Variants in ANKRD13C observed in about 807,000 individuals in gnomAD.
The protein encoded by ANKRD13C is ankyrin repeat domain 13C.
Under a neutral mutation model 65.5 loss-of-function variants are expected in ANKRD13C, and 16 were observed. That is an observed-to-expected ratio of 0.24 (90% CI 0.17 to 0.37). The LOEUF (loss-of-function observed/expected upper bound fraction) is 0.37, where lower values mean the gene tolerates loss of function less well. Ranked by LOEUF, ANKRD13C falls within the 10% of genes least tolerant of loss-of-function variation. The pLI is 1.00. For missense variants in ANKRD13C, 503 were observed against 655.9 expected, an observed-to-expected ratio of 0.77 and a Z score of 2.55; for synonymous variants, 235 against 238.7, an observed-to-expected ratio of 0.98 and a Z score of 0.14.
chr1:70,313,986 G>C (rs956702051), intron 4 of ANKRD13C, among the ~76,000 whole-genome samples, 196 bp from the exon 5 acceptor site: 3 of 151,460 alleles, frequency 2.0e-5, no homozygotes, highest in African/African-American at 7.3e-5. Flanking sequence ...ATTTAAATTT[G>C]TATCAATAAA....
chr1:70,267,712 C>T (rs962571847), intron 12 of ANKRD13C, among the ~76,000 whole-genome samples: 1 of 151,998 alleles, frequency 6.6e-6, no homozygotes, highest in Non-Finnish European at 1.5e-5. Flanking sequence ...TCTTGCCATC[C>T]TTAGGTTACC....
chr1:70,290,956 A>G (rs1407813351), intron 9 of ANKRD13C, among the ~76,000 whole-genome samples: 1 of 152,148 alleles, frequency 6.6e-6, no homozygotes, highest in Non-Finnish European at 1.5e-5. Context: ...TTAATTTCTT[A>G]TAATCTACTA....
intron 8 of ANKRD13C, among the ~76,000 whole-genome samples, chr1:70,293,035 C>A (rs1360268413): frequency 1.3e-5 from 2 of 152,126 alleles, no homozygotes; most frequent in Admixed American, 1.3e-4. Context: ...GAATTAATGA[C>A]CTGTTCACAT....
At chr1:70,345,537 G>A (rs968020305) in intron 1 of ANKRD13C, among the ~76,000 whole-genome samples, 3 of 151,970 alleles carry the variant, frequency 2.0e-5, no homozygotes, top group Non-Finnish European at 2.9e-5. Flanking sequence ...AATGGATCTT[G>A]TACTGATGCA....
At chr1:70,332,470 TTTG>T (rs1348229438) in intron 2 of ANKRD13C, among the ~76,000 whole-genome samples, 1 of 152,276 alleles carries the variant, frequency 6.6e-6, no homozygotes, top group Admixed American at 6.5e-5. Context: ...TATATTTTAA[TTTG>T]TTGTTGTTGT....
chr1:70,290,058 G>C (rs1679793789), intron 9 of ANKRD13C, among the ~76,000 whole-genome samples: 1 of 152,136 alleles, frequency 6.6e-6, no homozygotes, highest in African/African-American at 2.4e-5. Flanking sequence ...ATGAAGTCTG[G>C]TGAAGCTTTA....
At chr1:70,265,824 C>CAAAAAAAAAAA (rs775757290) in intron 12 of ANKRD13C, among the ~76,000 whole-genome samples, 99 of 35,362 alleles carry the variant, frequency 2.8e-3, no homozygotes, top group Non-Finnish European at 3.4e-3. Flanking sequence ...GACCTTGCCT[C>CAAAAAAAAAAA]AAAAAAAAAA....
In ANKRD13C at chr1:70,354,345, G is replaced by A. The variant is rs1572202147; in HGVS notation, c.64C>T (p.Leu22=). ...DHKPSKEEGD[L]LEPGDEEAAA... The stretch of plus-strand genomic sequence containing the variant: ...GCTTCCTCATCCCCGGGCTCCAGCA[G>A]GTCCCCTTCTTCTTTGCTGGGCTTG... The change falls in exon 1 of 13, where the codon CTG becomes TTG. Residue 22 remains leucine, a synonymous_variant. Coordinates refer to ENST00000370944, the MANE Select transcript of ANKRD13C (RefSeq NM_030816.5). 6 of 1,614,162 alleles carry A rather than the reference G, an allele frequency of 3.7e-6. No homozygotes were observed. In the East Asian group the frequency reaches 1.1e-4, roughly 30 times the overall value.
Position 70,261,695 on chromosome 1 carries a change from T to A in ANKRD13C, c.*1022A>T, listed in dbSNP as rs1482400906. Reference sequence around the variant, plus strand: ...GTAACAAATATATTCTGTTAGCATATAAAATGTTTTTATCTTATTTTGAAA... The same window carrying A: ...GTAACAAATATATTCTGTTAGCATAAAAAATGTTTTTATCTTATTTTGAAA... On this transcript the variant is annotated 3_prime_UTR_variant, in exon 13 of 13. Transcript: ENST00000370944. The A allele has an allele frequency of 6.6e-6, 1 of 152,552 alleles. No individual in the cohort carries two copies. The highest frequency in any genetic ancestry group is 1.5e-5 in the Non-Finnish European group (1 of 67,966). The allele number at this position is 152,552 out of a possible 1,614,324, so 9.4% of individuals were successfully genotyped here. A position where few individuals can be genotyped will look rare whatever the true frequency, so the allele number is the denominator to read the frequency against.
chr1:70,324,967 A>C lies in ANKRD13C; in HGVS notation c.473-10T>G. 6.3e-7 allele frequency: 1 copy of C among 1,592,212 alleles called. No individual in the cohort carries two copies. Among genetic ancestry groups the C allele is most frequent in the Non-Finnish European group, 8.6e-7 (1 of 1,164,668 alleles). On this transcript the variant is annotated splice_polypyrimidine_tract_variant and intron_variant, in intron 2 of 12. Coordinates refer to ENST00000370944, the MANE Select transcript of ANKRD13C (RefSeq NM_030816.5). ...AGTAAATGGGCACATTCTGCAATAT[A>C]AAGTAGTAATAATATCAAACATCAT...
chr1:70,280,001 GA>G, intron 9 of ANKRD13C, among the ~76,000 whole-genome samples: 1 of 152,282 alleles, frequency 6.6e-6, no homozygotes, highest in Middle Eastern at 3.4e-3. Context: ...TCACACTACA[GA>G]GACTTTGAAG....
At chr1:70,300,954 A>G in intron 6 of ANKRD13C, 46 bp from the exon 7 acceptor site, 3 of 1,559,750 alleles carry the variant, frequency 1.9e-6, no homozygotes, top group South Asian at 1.2e-5. Context: ...TATAATTTTG[A>G]TAAAACTTCA....
At chr1:70,272,806 T>C (rs1346269606) in intron 11 of ANKRD13C, among the ~76,000 whole-genome samples, 1 of 151,714 alleles carries the variant, frequency 6.6e-6, no homozygotes, top group African/African-American at 2.4e-5. Flanking sequence ...CTGGCCAACA[T>C]GGTGAACCCC....
At chr1:70,262,914 T>A in intron 12 of ANKRD13C, 67 bp from the exon 13 acceptor site, 1 of 1,257,858 alleles carries the variant, frequency 8.0e-7, no homozygotes, top group Non-Finnish European at 1.1e-6. Context: ...TACAAAGTAC[T>A]ATTGGAGATG....
chr1:70,302,582 C>T (rs1177997108), intron 6 of ANKRD13C, among the ~76,000 whole-genome samples: 1 of 136,554 alleles, frequency 7.3e-6, no homozygotes, highest in Non-Finnish European at 1.5e-5. Context: ...AAAAATTAGC[C>T]GGGCGTAGTG....
intron 12 of ANKRD13C, 68 bp from the exon 13 acceptor site, chr1:70,262,915 A>T: frequency 2.6e-6 from 3 of 1,157,010 alleles, no homozygotes; most frequent in South Asian, 1.4e-5. Context: ...ACAAAGTACT[A>T]TTGGAGATGT....
At chr1:70,318,152 T>C (rs920450143) in intron 3 of ANKRD13C, among the ~76,000 whole-genome samples, 1 of 152,176 alleles carries the variant, frequency 6.6e-6, no homozygotes, top group Admixed American at 6.6e-5. Flanking sequence ...TTACACAAAA[T>C]TACCAATTAC....
At chr1:70,318,355 T>C (rs1681157532) in intron 3 of ANKRD13C, among the ~76,000 whole-genome samples, 1 of 152,212 alleles carries the variant, frequency 6.6e-6, no homozygotes, top group South Asian at 2.1e-4. Context: ...GACTGAAGTT[T>C]ACAGTTTGAC....
intron 3 of ANKRD13C, among the ~76,000 whole-genome samples, chr1:70,318,245 T>C (rs1383140461): frequency 1.3e-5 from 2 of 152,196 alleles, no homozygotes; most frequent in Non-Finnish European, 2.9e-5. Flanking sequence ...AGATTAAAAT[T>C]AGCTTTAGAG....
Sources: allele counts gnomAD v4.1 joint callset (sites outside exome capture counted in the v4.1 genomes callset), GRCh38; gene constraint gnomAD v4.1.1; transcripts MANE v1.5; gene names NCBI Gene and HGNC (gene_info 2026-07-23, HGNC 2026-07-21).